Variants in SYT14 observed in about 807,000 individuals in gnomAD.
SYT14 encodes synaptotagmin-14.
In SYT14, 32 loss-of-function variants were observed where a neutral mutation model predicts 74.2. That is an observed-to-expected ratio of 0.43 (90% CI 0.33 to 0.58). SYT14 has a LOEUF of 0.58. Among genes scored for constraint, SYT14 ranks in the 20% least tolerant of loss-of-function variants. The pLI, the probability that SYT14 is intolerant of heterozygous loss-of-function variation, is 0.05. For missense variants in SYT14, 791 were observed against 981.8 expected (o/e 0.81, Z 2.60); for synonymous variants, 298 against 337.7 (o/e 0.88, Z 1.29).
At position 210,161,059 on chromosome 1, in the gene SYT14, G is replaced by C. The variant is rs371158239; in HGVS notation, c.*17G>C. 8.7e-6 allele frequency: 14 copies of C among 1,612,258 alleles called. No individual in the cohort carries two copies. The African/African-American group carries it at 9.3e-5, about 11-fold the overall frequency. On this transcript the variant is annotated 3_prime_UTR_variant, in exon 10 of 10. Coordinates refer to ENST00000637265, the Ensembl canonical transcript of SYT14. ...GAGTCATGATGAATAGAATAAGCAA[G>C]CAGTTACCATCAAAGGCAGCATATT... is the stretch of plus-strand genomic sequence containing the variant.
chr1:210,062,361 A>T (rs2081221346), intron 5 of SYT14, among the ~76,000 whole-genome samples: 1 of 151,930 alleles, frequency 6.6e-6, no homozygotes, highest in African/African-American at 2.4e-5. Context: ...TGTATTCTAC[A>T]AATATAAAAG....
At chr1:210,126,165 T>C (rs910134350) in intron 7 of SYT14, among the ~76,000 whole-genome samples, 3 of 151,450 alleles carry the variant, frequency 2.0e-5, no homozygotes, top group African/African-American at 7.3e-5. Flanking sequence ...ATCACCCCAG[T>C]GCACTCCAGC....
chr1:210,106,492 G>A (rs1259977455), intron 7 of SYT14, among the ~76,000 whole-genome samples: 1 of 152,130 alleles, frequency 6.6e-6, no homozygotes, highest in Admixed American at 6.5e-5. Context: ...GTTCCACAGG[G>A]CTGGGGAGGC....
intron 7 of SYT14, among the ~76,000 whole-genome samples, chr1:210,121,590 T>A (rs537473233): frequency 2.0e-5 from 3 of 151,978 alleles, no homozygotes; most frequent in South Asian, 2.1e-4. Context: ...GTCAGGAGAT[T>A]GAGACCATCC....
exon 10 of SYT14, chr1:210,161,869 T>C (rs1303909648): frequency 4.4e-6 from 2 of 450,714 alleles, no homozygotes; most frequent in African/African-American, 4.0e-5. Flanking sequence ...GACTTTACTT[T>C]CAAATTTCTT....
chr1:209,952,872 T>C, intron 2 of SYT14, 116 bp downstream of exon 2: 1 of 1,148,334 alleles, frequency 8.7e-7, no homozygotes, highest in Non-Finnish European at 1.3e-6. Context: ...TTTTAGTAAA[T>C]ATTAACATTT....
intron 5 of SYT14, among the ~76,000 whole-genome samples, chr1:210,074,623 G>A (rs772192273): frequency 2.6e-5 from 4 of 152,206 alleles, no homozygotes; most frequent in African/African-American, 9.6e-5. Flanking sequence ...CTTTACTGTC[G>A]GAAGAAAATG....
chr1:210,097,456 T>C (rs1355761432), intron 6 of SYT14, among the ~76,000 whole-genome samples: 2 of 152,156 alleles, frequency 1.3e-5, no homozygotes, highest in Admixed American at 1.3e-4. Flanking sequence ...ATAATGTCTT[T>C]TATCTGTCAG....
chr1:210,013,599 A>G, intron 2 of SYT14, 34 bp from the exon 3 acceptor site: 1 of 1,596,442 alleles, frequency 6.3e-7, no homozygotes, highest in Non-Finnish European at 8.5e-7. Flanking sequence ...AAAGAAAAAT[A>G]AATGCTTACA....
chr1:210,063,216 A>G (rs2081238098), intron 5 of SYT14, among the ~76,000 whole-genome samples: 1 of 151,402 alleles, frequency 6.6e-6, no homozygotes, highest in Non-Finnish European at 1.5e-5. Flanking sequence ...TTACCTGTAA[A>G]TCTTTGAGCT....
chr1:210,094,487 A>G (rs775202409), exon 6 of SYT14: 4 of 1,614,014 alleles, frequency 2.5e-6, no homozygotes, highest in Non-Finnish European at 2.5e-6. Context: ...TGCTCATATA[A>G]CAAGTGCCCA....
chr1:209,965,334 A>G (rs2079138840), intron 2 of SYT14, among the ~76,000 whole-genome samples: 1 of 152,110 alleles, frequency 6.6e-6, no homozygotes, highest in Non-Finnish European at 1.5e-5. Context: ...TTTCTCCATT[A>G]ATTCACTTAG....
At position 210,130,188 on chromosome 1, in the gene SYT14, T is replaced by C. The variant is rs565504348; in HGVS notation, c.2035-25533T>C. Reference sequence around the variant, plus strand: ...TGGAAAGAAGTACTTATACACACTATTAAATGTTAACCATTTCATTGCCCT... The same window carrying C: ...TGGAAAGAAGTACTTATACACACTACTAAATGTTAACCATTTCATTGCCCT... On this transcript the variant is annotated intron_variant, in intron 7 of 9. Coordinates refer to ENST00000637265, the Ensembl canonical transcript of SYT14. 3.3e-5 allele frequency among the ~76,000 whole-genome samples: 5 copies of C among 152,334 alleles called. No individual in the cohort carries two copies. In the South Asian group the frequency reaches 8.3e-4, roughly 25 times the overall value.
chr1:210,100,040 A>T lies in SYT14; in HGVS notation c.1613A>T (p.Gln538Leu), dbSNP rs138599742. ...ATGTCAGCTCAAGGATCATCTTCGC[A>T]GCTTCCTAAACCTTTTGATCCTGAG... The change falls in exon 7 of 10, where the codon CAG becomes CTG. Residue 538 changes from glutamine to leucine, a missense_variant. Transcript: ENST00000637265. 6.2e-7 allele frequency: 1 copy of T among 1,613,918 alleles called. No homozygotes were observed. Among genetic ancestry groups the T allele is most frequent in the African/African-American group, 1.3e-5 (1 of 74,920 alleles).
At chr1:210,109,015 G>T (rs909543021) in intron 7 of SYT14, among the ~76,000 whole-genome samples, 8 of 151,844 alleles carry the variant, frequency 5.3e-5, no homozygotes, top group African/African-American at 1.9e-4. Flanking sequence ...AGAGGGCTAG[G>T]TTCTTAGATA....
chr1:210,061,544 G>C (rs1558161886), intron 5 of SYT14, among the ~76,000 whole-genome samples: 1 of 151,730 alleles, frequency 6.6e-6, no homozygotes, highest in Admixed American at 6.6e-5. Flanking sequence ...ACATAAACTA[G>C]AGTCTGGTAT....
At chr1:210,082,227 AAGCCATAG>A (rs982137545) in intron 5 of SYT14, among the ~76,000 whole-genome samples, 26 of 152,200 alleles carry the variant, frequency 1.7e-4, no homozygotes, top group African/African-American at 6.3e-4. Context: ...AAATGTTTTC[AAGCCATAG>A]AGCCATTCTA....
exon 9 of SYT14, chr1:210,159,422 T>C (rs941167796): frequency 2.6e-6 from 4 of 1,551,334 alleles, no homozygotes. Flanking sequence ...TGTTGTCAGA[T>C]GGACTGTTCT....
chr1:210,148,176 T>C (rs962819136), intron 7 of SYT14, among the ~76,000 whole-genome samples: 3 of 151,942 alleles, frequency 2.0e-5, no homozygotes, highest in African/African-American at 7.3e-5. Flanking sequence ...CAAATGAAAA[T>C]ACCTAAATTT....
Sources: gnomAD v4.1 joint callset for allele counts (sites outside exome capture counted in the v4.1 genomes callset) on GRCh38, gnomAD v4.1.1 for gene constraint, MANE v1.5 for transcripts, NCBI Gene and HGNC (gene_info 2026-07-23, HGNC 2026-07-21) for gene names.